The following FRMD4A variants were observed in gnomAD, a reference collection of about 807,000 sequenced individuals.
The protein encoded by FRMD4A is FERM domain containing 4A.
Under a neutral mutation model 129.1 loss-of-function variants are expected in FRMD4A, and 29 were observed. The ratio of observed to expected loss-of-function variants is 0.22; its 90% CI spans 0.17 to 0.31. The LOEUF is 0.31. Ranked by LOEUF, FRMD4A falls within the 10% of genes least tolerant of loss-of-function variation. The pLI, the probability that FRMD4A is intolerant of heterozygous loss-of-function variation, is 1.00. For synonymous variants in FRMD4A, 634 were observed against 571.6 expected (o/e 1.11, Z -1.56); for missense variants, 1,272 against 1,375.8 (o/e 0.92, Z 1.19).
chr10:13,728,570 A>ATTATTTTT (rs1386167455), intron 12 of FRMD4A, among the ~76,000 whole-genome samples: 2 of 28,664 alleles, frequency 7.0e-5, no homozygotes, highest in Admixed American at 5.7e-4. Flanking sequence ...GGTGATTACC[A>ATTATTTTT]TTCTTTTTTT....
rs139351339 is a variant in FRMD4A at position 13,950,050 on chromosome 10, C to G, written c.46-91138G>C. 5.5e-3 allele frequency among the ~76,000 whole-genome samples: 831 copies of G among 152,338 alleles called. 4 individuals are homozygous for G. The highest frequency in any genetic ancestry group is 0.019 in the African/African-American group (783 of 41,572). ...GCCACATTACTGACTTACTTCACAA[C>G]TCTTTGCTGGGGAAGGAGTCTTTGG... On this transcript the variant is annotated intron_variant, in intron 2 of 24. Transcript: ENST00000357447.
intron 2 of FRMD4A, among the ~76,000 whole-genome samples, chr10:13,905,421 A>G (rs1012583811): frequency 1.3e-5 from 2 of 152,190 alleles, no homozygotes; most frequent in Non-Finnish European, 2.9e-5. Context: ...TTTTTTCTCA[A>G]AAGTGAAATC....
At chr10:14,176,856 G>T (rs1466768348) in intron 2 of FRMD4A, among the ~76,000 whole-genome samples, 1 of 152,020 alleles carries the variant, frequency 6.6e-6, no homozygotes, top group Admixed American at 6.6e-5. Flanking sequence ...TCAGTGTCAG[G>T]GAAGGAAATC....
chr10:14,132,954 C>T, intron 2 of FRMD4A, among the ~76,000 whole-genome samples: 1 of 152,216 alleles, frequency 6.6e-6, no homozygotes, highest in South Asian at 2.1e-4. Context: ...ACAAGGCAGC[C>T]ATCCTGGTTC....
rs189774142 is a variant in FRMD4A, at chr10:14,295,930, A to T, written c.45+34128T>A. Among the ~76,000 whole-genome samples the T allele has an allele frequency of 9.8e-5, 15 of 152,286 alleles. No homozygotes were observed. The East Asian group carries it at 2.9e-3, about 29-fold the overall frequency. On this transcript the variant is annotated intron_variant, in intron 2 of 24. Coordinates refer to ENST00000357447, the MANE Select transcript of FRMD4A (RefSeq NM_018027.5). The stretch of plus-strand genomic sequence containing the variant: ...GGGGTCAACATAAATGGGTGAAACG[A>T]TCTTTTTCGAAATGCCATGACATGT...
chr10:14,203,816 G>A (rs1245697070), intron 2 of FRMD4A, among the ~76,000 whole-genome samples: 1 of 152,134 alleles, frequency 6.6e-6, no homozygotes, highest in Admixed American at 6.5e-5. Flanking sequence ...CTTTTAAAAC[G>A]CTCCTCCTCG....
chr10:13,831,615 T>G (rs1275955528), intron 3 of FRMD4A, among the ~76,000 whole-genome samples: 1 of 152,160 alleles, frequency 6.6e-6, no homozygotes, highest in Non-Finnish European at 1.5e-5. Flanking sequence ...ACATCATATC[T>G]CCAACTTTCT....
At chr10:14,101,289 G>A (rs139028656) in intron 2 of FRMD4A, among the ~76,000 whole-genome samples, 18 of 152,206 alleles carry the variant, frequency 1.2e-4, no homozygotes, top group East Asian at 1.9e-4. Context: ...TCCTTCCTGC[G>A]GGCAATGAAA....
chr10:13,965,805 C>CTG (rs1223348330), intron 2 of FRMD4A, among the ~76,000 whole-genome samples: 2 of 152,216 alleles, frequency 1.3e-5, no homozygotes, highest in African/African-American at 4.8e-5. Context: ...TCTTCTCTCT[C>CTG]TGTAGAAAAT....
At chr10:14,226,200 C>T (rs528586233) in intron 2 of FRMD4A, among the ~76,000 whole-genome samples, 1 of 152,220 alleles carries the variant, frequency 6.6e-6, no homozygotes, top group African/African-American at 2.4e-5. Context: ...TGGTTTGCTG[C>T]ACCTGTCAAC....
At chr10:14,061,280 C>T (rs1420861603) in intron 2 of FRMD4A, among the ~76,000 whole-genome samples, 9 of 150,422 alleles carry the variant, frequency 6.0e-5, no homozygotes, top group Admixed American at 2.6e-4. Context: ...TGATCAACCC[C>T]GTCTCTACTA....
At chr10:13,772,301 G>C (rs1487764388) in intron 6 of FRMD4A, among the ~76,000 whole-genome samples, 2 of 151,064 alleles carry the variant, frequency 1.3e-5, no homozygotes, top group Non-Finnish European at 2.9e-5. Flanking sequence ...TTAGATTCCT[G>C]ATGTAATCTT....
intron 2 of FRMD4A, among the ~76,000 whole-genome samples, chr10:14,256,633 G>A (rs1043756642): frequency 3.3e-5 from 5 of 152,092 alleles, no homozygotes; most frequent in Non-Finnish European, 7.4e-5. Context: ...ATATTGTAAA[G>A]GAAATAACAC....
chr10:13,818,443 G>A (rs572975470), intron 3 of FRMD4A, among the ~76,000 whole-genome samples: 10 of 152,238 alleles, frequency 6.6e-5, no homozygotes, highest in East Asian at 1.9e-4. Context: ...GTGCTGGGAT[G>A]ACAAGTGTGA....
intron 2 of FRMD4A, among the ~76,000 whole-genome samples, chr10:14,087,110 G>A (rs941748112): frequency 6.6e-5 from 10 of 151,768 alleles, no homozygotes; most frequent in African/African-American, 2.4e-4. Context: ...GGTTGCGGGG[G>A]GTGGGCATGT....
chr10:13,758,898 A>G (rs1383040513), intron 8 of FRMD4A, among the ~76,000 whole-genome samples: 1 of 152,194 alleles, frequency 6.6e-6, no homozygotes, highest in Non-Finnish European at 1.5e-5. Context: ...TGGGACATCT[A>G]AAATACCTAA....
intron 12 of FRMD4A, among the ~76,000 whole-genome samples, chr10:13,713,999 C>CATATATAAA (rs1366210358): frequency 3.5e-5 from 1 of 28,966 alleles, no homozygotes; most frequent in Non-Finnish European, 7.5e-5. Flanking sequence ...ATATAATATA[C>CATATATAAA]ATATATAATA....
chr10:14,268,057 T>C (rs1178071313), intron 2 of FRMD4A, among the ~76,000 whole-genome samples: 1 of 152,194 alleles, frequency 6.6e-6, no homozygotes, highest in Non-Finnish European at 1.5e-5. Flanking sequence ...TCAAATGGGA[T>C]AGTATATGCC....
chr10:13,972,226 A>C, intron 2 of FRMD4A: 1 of 1,005,370 alleles, frequency 9.9e-7, no homozygotes, highest in East Asian at 9.3e-5. Context: ...CAGGGTGAGA[A>C]AGCTAAGAGC....
Sources: allele counts gnomAD v4.1 joint callset (sites outside exome capture counted in the v4.1 genomes callset), GRCh38; gene constraint gnomAD v4.1.1; transcripts MANE v1.5; gene names NCBI Gene and HGNC (gene_info 2026-07-23, HGNC 2026-07-21).